Variants in SCARF1 observed in about 807,000 individuals in gnomAD.
SCARF1 encodes the protein scavenger receptor class F member 1.
In SCARF1, 49 loss-of-function variants were observed where a neutral mutation model predicts 76.3. The ratio of observed to expected loss-of-function variants is 0.64; its 90% CI spans 0.51 to 0.81. SCARF1 has a LOEUF of 0.81. Ranked by LOEUF, SCARF1 falls within the 40% of genes least tolerant of loss-of-function variation. The probability of loss-of-function intolerance (pLI) is 0.00; values close to 1 mark genes in which losing one functional copy is unlikely to be tolerated. For synonymous variants in SCARF1, 495 were observed against 474.6 expected, an observed-to-expected ratio of 1.04 and a Z score of -0.56; for missense variants, 1,098 against 1,143.9, an observed-to-expected ratio of 0.96 and a Z score of 0.58.
chr17:1,641,208 C>T (rs1210157379), intron 4 of SCARF1, among the ~76,000 whole-genome samples: 1 of 152,182 alleles, frequency 6.6e-6, no homozygotes, highest in African/African-American at 2.4e-5. Flanking sequence ...AGCAGGGGAG[C>T]CTGACCGCCT....
In SCARF1 at chr17:1,643,890, TG is replaced by T; in HGVS notation, c.342del (p.Thr115ArgfsTer252). 7.6e-7 allele frequency: 1 copy of T among 1,319,610 alleles called. No individual in the cohort carries two copies. The highest frequency in any genetic ancestry group is 2.1e-5 in the South Asian group (1 of 47,812). The allele number at this position is 1,319,610 out of a possible 1,614,324, so 81.7% of individuals were successfully genotyped here. ...TCGGCCTGGCACTGGCACGCGCCCG[TG>T]GCTGGCTCGCACTGGCCGTGCGGGT... ...PCHPHGQCEP[A>X]TGACQCQADR... On this transcript the variant is annotated frameshift_variant, in exon 4 of 11. Coordinates refer to ENST00000263071, the MANE Select transcript of SCARF1 (RefSeq NM_003693.4). LOFTEE classifies it high-confidence loss of function.
rs1441527150 is a variant in SCARF1 at position 1,639,663 on chromosome 17, G to GA, written c.1218_1219insT (p.Pro407SerfsTer114). 6.3e-7 allele frequency: 1 copy of GA among 1,575,952 alleles called. No homozygotes were observed. Among genetic ancestry groups the GA allele is most frequent in the Admixed American group, 1.9e-5 (1 of 52,526 alleles). ...CCTGGCTGGCAGGACCCAGAGACAG[G>GA]GTGGCAGAGTCCCTCTGGGCATTCA... is the stretch of plus-strand genomic sequence containing the variant. On this transcript the variant is annotated frameshift_variant, in exon 7 of 11. Coordinates refer to ENST00000263071, the MANE Select transcript of SCARF1 (RefSeq NM_003693.4). LOFTEE classifies it high-confidence loss of function.
At position 1,644,944 on chromosome 17, in the gene SCARF1, CA is replaced by C. The variant is rs1567667358; in HGVS notation, c.164-10del. On this transcript the variant is annotated splice_polypyrimidine_tract_variant and intron_variant, in intron 2 of 10. Transcript: ENST00000263071. The surrounding 1 kb of genome is among the most constrained non-coding windows in gnomAD (Gnocchi z 4.8). Reference sequence around the variant, plus strand: ...CGGCCCCTCACAGATGGCTGAAAGACACCCCACCCAGGTTGGAAAGACGGGA... The same window carrying C: ...CGGCCCCTCACAGATGGCTGAAAGACCCCCACCCAGGTTGGAAAGACGGGA... 6.2e-7 allele frequency: 1 copy of C among 1,611,906 alleles called. No homozygotes were observed. The highest frequency in any genetic ancestry group is 1.3e-5 in the African/African-American group (1 of 75,042).
chr17:1,639,863 C>A, intron 6 of SCARF1, 49 bp downstream of exon 6: 1 of 1,611,036 alleles, frequency 6.2e-7, no homozygotes, highest in Non-Finnish European at 8.5e-7. Context: ...GCACAGAGCC[C>A]TGACCTAGGC....
intron 4 of SCARF1, among the ~76,000 whole-genome samples, chr17:1,641,058 G>C (rs1381842083): frequency 6.6e-6 from 1 of 152,112 alleles, no homozygotes. Context: ...GCATGAATGG[G>C]ACTCAGTAGT....
intron 4 of SCARF1, among the ~76,000 whole-genome samples, chr17:1,642,123 TTTA>T (rs754095440): frequency 2.6e-5 from 4 of 151,968 alleles, no homozygotes; most frequent in South Asian, 2.1e-4. Flanking sequence ...GATCCACTTA[TTTA>T]TTATTTTTTT....
At chr17:1,637,984 G>C (rs564319666) in intron 8 of SCARF1, among the ~76,000 whole-genome samples, 2 of 152,292 alleles carry the variant, frequency 1.3e-5, no homozygotes, top group South Asian at 4.1e-4. Flanking sequence ...TGCCGCACAA[G>C]CACAGAGGAG....
In SCARF1 at chr17:1,634,886, T is replaced by C. The variant is rs766220239; in HGVS notation, c.2365A>G (p.Arg789Gly). 5.0e-6 allele frequency: 8 copies of C among 1,613,792 alleles called. No homozygotes were observed. In the Admixed American group the frequency reaches 6.7e-5, roughly 13 times the overall value. The change falls in exon 11 of 11, where the codon AGA becomes GGA. Residue 789 changes from arginine to glycine, a missense_variant. Coordinates refer to ENST00000263071, the MANE Select transcript of SCARF1 (RefSeq NM_003693.4). ...CAGCCAGAGACTGGCTCCTGGGCTC[T>C]CCTTGAACTCTCGGTGCCAGCCCCC... The part of the protein sequence containing the change: ...GLGAGTESSR[R>G]AQEPVSGCGS...
intron 4 of SCARF1, 79 bp downstream of exon 4, chr17:1,643,362 CT>C (rs1270153594): frequency 6.6e-6 from 3 of 452,380 alleles, no homozygotes; most frequent in Admixed American, 6.3e-5. Context: ...CCCCGCCCCC[CT>C]GTCTCCGCCC....
intron 6 of SCARF1, 38 bp downstream of exon 6, chr17:1,639,874 C>A: frequency 6.2e-7 from 1 of 1,611,732 alleles, no homozygotes; most frequent in Non-Finnish European, 8.5e-7. Flanking sequence ...TGACCTAGGC[C>A]CCTGGCACTC....
chr17:1,634,915 C>G lies in SCARF1; in HGVS notation c.2336G>C (p.Gly779Ala). The change falls in exon 11 of 11, where the codon GGG becomes GCG. Residue 779 changes from glycine (G) to alanine (A), a missense_variant. Transcript: ENST00000263071. Reference sequence around the variant, plus strand: ...TGAACTCTCGGTGCCAGCCCCCAGCCCCCGGACCGCTTCCTCTGGTCTGAC... The same window carrying G: ...TGAACTCTCGGTGCCAGCCCCCAGCGCCCGGACCGCTTCCTCTGGTCTGAC... ...MAVRPEEAVRGLGAGTESSRR... is the reference protein window; with the variant it reads ...MAVRPEEAVRALGAGTESSRR... 6.2e-7 allele frequency: 1 copy of G among 1,613,546 alleles called. No individual in the cohort carries two copies. The highest frequency in any genetic ancestry group is 1.7e-5 in the Admixed American group (1 of 60,002).
At chr17:1,643,369 C>A in intron 4 of SCARF1, 73 bp downstream of exon 4, 2 of 402,600 alleles carry the variant, frequency 5.0e-6, no homozygotes, top group African/African-American at 5.6e-5. Flanking sequence ...CCCCTGTCTC[C>A]GCCCCGCCCC....
rs1273446414 is a variant in SCARF1, at chr17:1,635,237, C to A, written c.2014G>T (p.Glu672Ter). ...CTGCCCTCAATGGCTTCCACGTGCT[C>A]AGCCACTGTCCGGCCACCAAGTGGG... ...RPPLGGRTVAEHVEAIEGSVQ... is the reference protein window; with the variant it reads ...RPPLGGRTVA Residue 672 changes from glutamate to a stop codon, truncating the protein, a stop_gained, in exon 11 of 11, where the codon GAG (glutamate) becomes TAG (stop). Coordinates refer to ENST00000263071, the MANE Select transcript of SCARF1 (RefSeq NM_003693.4). LOFTEE classifies it low-confidence loss of function (END_TRUNC). 1.2e-6 allele frequency: 2 copies of A among 1,611,872 alleles called. No individual in the cohort carries two copies. The highest frequency in any genetic ancestry group is 1.7e-6 in the Non-Finnish European group (2 of 1,179,062).
Position 1,640,654 on chromosome 17 carries a change from G to A in SCARF1, c.804C>T (p.Cys268=). The A allele has an allele frequency of 6.2e-7, 1 of 1,612,184 alleles. No individual in the cohort carries two copies. Among genetic ancestry groups the A allele is most frequent in the Non-Finnish European group, 8.5e-7 (1 of 1,179,472 alleles). The change falls in exon 5 of 11, where the codon TGC becomes TGT. Residue 268 remains cysteine (C), a synonymous_variant. Coordinates refer to ENST00000263071, the MANE Select transcript of SCARF1 (RefSeq NM_003693.4). The surrounding 1 kb of genome is among the most constrained non-coding windows in gnomAD (Gnocchi z 4.7). ...CTGGAGAGCACGGCTCATTGTGTTT[G>A]CAGCGGCCACAGCTGGGAAGAGAAG... The part of the protein sequence containing the change: ...GVQCAHSCGR[C]KHNEPCSPDT...
At chr17:1,639,098 CA>C (rs1179615711) in intron 7 of SCARF1, among the ~76,000 whole-genome samples, 172 bp from the exon 8 acceptor site, 1 of 152,252 alleles carries the variant, frequency 6.6e-6, no homozygotes, top group East Asian at 1.9e-4. Context: ...GAGGCCATGT[CA>C]GTGTCCAGCC....
At chr17:1,635,746 G>A in intron 10 of SCARF1, 129 bp from the exon 11 acceptor site, 7 of 1,125,162 alleles carry the variant, frequency 6.2e-6, no homozygotes, top group Non-Finnish European at 8.5e-6. Context: ...GAGGAGAGTG[G>A]CAGAAGGACC....
Position 1,643,509 on chromosome 17 carries a change from CG to C in SCARF1, c.723del (p.Gly242AlafsTer125), listed in dbSNP as rs1230586336. On this transcript the variant is annotated frameshift_variant, in exon 4 of 11. Transcript: ENST00000263071. LOFTEE classifies it high-confidence loss of function. Reference sequence around the variant, plus strand: ...AGCTCGCAGCGCGCTCCGCGGAAGCCGGGCGGGCAGGTGCACTCGCCGGAGG... The same window carrying C: ...AGCTCGCAGCGCGCTCCGCGGAAGCCGGCGGGCAGGTGCACTCGCCGGAGG... ...SAASGECTCP[P>X]GFRGARCELP... The C allele has an allele frequency of 7.4e-7, 1 of 1,350,900 alleles. No homozygotes were observed. The highest frequency in any genetic ancestry group is 9.5e-7 in the Non-Finnish European group (1 of 1,058,186). The allele number at this position is 1,350,900 out of a possible 1,614,324, so 83.7% of individuals were successfully genotyped here.
rs990050564 is a variant in SCARF1 at position 1,644,697 on chromosome 17, G to A, written c.265+137C>T. 1.6e-5 allele frequency: 13 copies of A among 809,712 alleles called. No homozygotes were observed. Among genetic ancestry groups the A allele is most frequent in the Middle Eastern group, 2.7e-4 (1 of 3,736 alleles). 50.2% of individuals were successfully genotyped at this position (809,712 alleles called of 1,614,324 possible). On this transcript the variant is annotated intron_variant, in intron 3 of 10. Transcript: ENST00000263071. The surrounding 1 kb of genome is among the most constrained non-coding windows in gnomAD (Gnocchi z 4.8). ...GTGTGTCACTTCCTGTCTCTGGACC[G>A]CAATTCCTCAGTGAAGCTGGGGGGG...
At chr17:1,642,860 C>G (rs1910163658) in intron 4 of SCARF1, among the ~76,000 whole-genome samples, 1 of 152,092 alleles carries the variant, frequency 6.6e-6, no homozygotes, top group South Asian at 2.1e-4. Flanking sequence ...ACAGGCGCAG[C>G]CCGGCTAATT....
Sources: allele counts gnomAD v4.1 joint callset (sites outside exome capture counted in the v4.1 genomes callset), GRCh38; gene constraint gnomAD v4.1.1; non-coding constraint Gnocchi (gnomAD v3.1); transcripts MANE v1.5; gene names NCBI Gene and HGNC (gene_info 2026-07-23, HGNC 2026-07-21).